ASIC2: variants seen among roughly 807,000 people sequenced by gnomAD.
ASIC2 encodes acid sensing ion channel subunit 2, also known as acid-sensing ion channel 2.
In ASIC2, 25 loss-of-function variants were observed where a neutral mutation model predicts 57.3. The ratio of observed to expected loss-of-function variants is 0.44; its 90% CI spans 0.32 to 0.61. The LOEUF (loss-of-function observed/expected upper bound fraction) is 0.61. Ranked by LOEUF, ASIC2 falls within the 20% of genes least tolerant of loss-of-function variation. ASIC2 has a pLI of 0.06. For synonymous variants in ASIC2, 319 were observed against 307.5 expected (o/e 1.04, Z -0.39); for missense variants, 641 against 738.1 (o/e 0.87, Z 1.52).
intron 1 of ASIC2, among the ~76,000 whole-genome samples, chr17:34,099,168 GAAAGAAAGAAAGAAAGAAAGA>G (rs1910691756): frequency 1.5e-4 from 1 of 6,760 alleles, no homozygotes; most frequent in African/African-American, 2.9e-4. Context: ...GAGAGAGAAA[GAAAGAAAGAAAGAAAGAAAGA>G]AAGAAAGAAA....
chr17:33,794,219 C>T (rs1446087689), intron 1 of ASIC2: 1 of 152,172 alleles, frequency 6.6e-6, no homozygotes, highest in Admixed American at 6.6e-5. Context: ...TTCTTGGGCC[C>T]TAAATTTGTA....
At chr17:33,871,381 C>CA (rs1325733766) in intron 1 of ASIC2, among the ~76,000 whole-genome samples, 1 of 152,204 alleles carries the variant, frequency 6.6e-6, no homozygotes, top group African/African-American at 2.4e-5. Context: ...GGCAAGGCAG[C>CA]AGAGGCACTG....
chr17:33,324,069 G>A (rs1052480630), intron 1 of ASIC2, among the ~76,000 whole-genome samples: 1 of 152,078 alleles, frequency 6.6e-6, no homozygotes, highest in African/African-American at 2.4e-5. Context: ...ATATTGTAAG[G>A]GCTGTAGGAA....
intron 1 of ASIC2, among the ~76,000 whole-genome samples, chr17:33,475,301 A>T (rs984707289): frequency 1.4e-4 from 10 of 69,634 alleles, no homozygotes; most frequent in South Asian, 1.4e-3. Flanking sequence ...TCTTTTTTTA[A>T]AAAAAAAGAA....
chr17:34,064,197 G>T (rs1345423547), intron 1 of ASIC2, among the ~76,000 whole-genome samples: 2 of 152,166 alleles, frequency 1.3e-5, no homozygotes, highest in African/African-American at 4.8e-5. Flanking sequence ...CAATGGAACA[G>T]AATAGAGAAC....
chr17:33,319,503 A>G (rs1906785299), intron 1 of ASIC2, among the ~76,000 whole-genome samples: 2 of 152,140 alleles, frequency 1.3e-5, no homozygotes, highest in Admixed American at 1.3e-4. Flanking sequence ...AAAAGTTTTA[A>G]TTTTTAATTT....
At chr17:33,232,592 T>G (rs1041245249) in intron 1 of ASIC2, among the ~76,000 whole-genome samples, 1 of 152,180 alleles carries the variant, frequency 6.6e-6, no homozygotes, top group African/African-American at 2.4e-5. Flanking sequence ...ATTTGTGCTT[T>G]AAAAATATTT....
At chr17:33,350,672 ACT>A (rs1252738148) in intron 1 of ASIC2, among the ~76,000 whole-genome samples, 1 of 152,040 alleles carries the variant, frequency 6.6e-6, no homozygotes, top group East Asian at 1.9e-4. Flanking sequence ...ACAGAGCGAG[ACT>A]CTGTGAGAAA....
intron 1 of ASIC2, among the ~76,000 whole-genome samples, chr17:33,979,433 C>T (rs1330671903): frequency 6.6e-6 from 1 of 152,118 alleles, no homozygotes; most frequent in African/African-American, 2.4e-5. Context: ...GAGTGGCTCT[C>T]CCGGAGCCTG....
intron 1 of ASIC2, among the ~76,000 whole-genome samples, chr17:33,402,995 G>A (rs942419655): frequency 3.3e-5 from 5 of 152,174 alleles, no homozygotes; most frequent in Admixed American, 6.5e-5. Context: ...AAATAGGAAC[G>A]CTTTTATACT....
intron 1 of ASIC2, among the ~76,000 whole-genome samples, chr17:33,335,520 T>C (rs1397820673): frequency 1.3e-5 from 2 of 152,098 alleles, no homozygotes; most frequent in African/African-American, 2.4e-5. Context: ...TACAATGGGC[T>C]TCAAAGTATA....
chr17:33,110,520 G>T (rs2092253334), intron 2 of ASIC2, among the ~76,000 whole-genome samples: 1 of 152,226 alleles, frequency 6.6e-6, no homozygotes, highest in Admixed American at 6.5e-5. Context: ...CTTCCAGATG[G>T]CACTGGCGCA....
At chr17:33,970,962 C>A (rs1258499681) in intron 1 of ASIC2, among the ~76,000 whole-genome samples, 3 of 152,266 alleles carry the variant, frequency 2.0e-5, no homozygotes, top group East Asian at 3.9e-4. Flanking sequence ...AGCCAGCCTG[C>A]CTTTGCTATA....
intron 1 of ASIC2, among the ~76,000 whole-genome samples, chr17:33,546,638 G>C (rs1261171233): frequency 6.6e-6 from 1 of 152,136 alleles, no homozygotes; most frequent in East Asian, 1.9e-4. Flanking sequence ...CTTCTCCATA[G>C]AGAAGAAATG....
chr17:33,526,448 G>A (rs893524287), intron 1 of ASIC2, among the ~76,000 whole-genome samples: 6 of 152,154 alleles, frequency 3.9e-5, no homozygotes, highest in African/African-American at 1.2e-4. Flanking sequence ...GGCTCCAGGA[G>A]TCCACCTCCC....
At chr17:33,266,432 C>A (rs960772853) in intron 1 of ASIC2, among the ~76,000 whole-genome samples, 1 of 152,128 alleles carries the variant, frequency 6.6e-6, no homozygotes, top group Admixed American at 6.5e-5. Flanking sequence ...CAACAGATTC[C>A]CAGTTTTTCA....
intron 1 of ASIC2, among the ~76,000 whole-genome samples, chr17:33,445,759 T>C (rs954204155): frequency 4.4e-5 from 6 of 137,286 alleles, no homozygotes; most frequent in African/African-American, 1.6e-4. Flanking sequence ...ATCACACCAT[T>C]GGACTCCAGT....
At chr17:34,137,056 C>T (rs796086929) in intron 1 of ASIC2, among the ~76,000 whole-genome samples, 58 of 152,302 alleles carry the variant, frequency 3.8e-4, no homozygotes, top group African/African-American at 1.2e-3. Flanking sequence ...TTCCAATCCC[C>T]CTAGAAGGAA....
chr17:34,035,886 G>A (rs897583777), intron 1 of ASIC2, among the ~76,000 whole-genome samples: 7 of 151,858 alleles, frequency 4.6e-5, no homozygotes, highest in African/African-American at 1.5e-4. Flanking sequence ...GGAAACAACA[G>A]GTGCTGGAGA....
Sources: allele counts gnomAD v4.1 joint callset (sites outside exome capture counted in the v4.1 genomes callset), GRCh38; gene constraint gnomAD v4.1.1; transcripts MANE v1.5; gene names NCBI Gene and HGNC (gene_info 2026-07-23, HGNC 2026-07-21).